KDM6A: variants seen among roughly 807,000 people sequenced by gnomAD.
The protein encoded by KDM6A is lysine demethylase 6A, also known as lysine-specific demethylase 6A.
A neutral mutation model predicts 117.6 loss-of-function variants in KDM6A; 11 were observed. That is an observed-to-expected ratio of 0.09 (90% CI 0.06 to 0.15). KDM6A has a LOEUF of 0.15. Ranked by LOEUF, KDM6A falls within the 10% of genes least tolerant of loss-of-function variation. The pLI is 1.00. For synonymous variants in KDM6A, 384 were observed against 396.1 expected (o/e 0.97, Z 0.36); for missense variants, 799 against 1,077.3 (o/e 0.74, Z 3.62).
chrX:44,932,317 G>C (rs2036682241), intron 2 of KDM6A, among the ~76,000 whole-genome samples: 1 of 107,862 alleles, frequency 9.3e-6, no homozygotes, highest in Non-Finnish European at 1.9e-5. Context: ...CACCATGTTG[G>C]CCAGGCCGGT....
At chrX:45,017,796 G>A (rs1039917270) in intron 5 of KDM6A, among the ~76,000 whole-genome samples, 4 of 111,680 alleles carry the variant, frequency 3.6e-5, no homozygotes, top group Non-Finnish European at 5.6e-5. Context: ...TGGAAAAACT[G>A]GAGACAGCAC....
chrX:45,068,757 TC>T (rs2044659754), intron 17 of KDM6A, among the ~76,000 whole-genome samples: 1 of 107,174 alleles, frequency 9.3e-6, no homozygotes, highest in Non-Finnish European at 1.9e-5. Context: ...CTTCCCTCTC[TC>T]CCCTCTCTCC....
At chrX:44,889,131 T>G (rs763197273) in intron 2 of KDM6A, among the ~76,000 whole-genome samples, 1 of 112,008 alleles carries the variant, frequency 8.9e-6, no homozygotes, top group Non-Finnish European at 1.9e-5. Flanking sequence ...TTCTCTCACT[T>G]CAGCCTCCCA....
intron 27 of KDM6A, among the ~76,000 whole-genome samples, chrX:45,101,539 G>C (rs969723009): frequency 9.1e-6 from 1 of 110,472 alleles, no homozygotes; most frequent in Non-Finnish European, 1.9e-5. Context: ...GATGCTACTA[G>C]CTTTTTTGAG....
At chrX:44,950,976 C>A (rs182137659) in intron 2 of KDM6A, among the ~76,000 whole-genome samples, 104 of 110,473 alleles carry the variant, frequency 9.4e-4, no homozygotes, top group African/African-American at 3.1e-3. Flanking sequence ...TTACAGATAC[C>A]TCTTCCCCTT....
At chrX:44,961,445 A>G (rs2147171730) in intron 3 of KDM6A, 53 bp downstream of exon 3, 1 of 817,370 alleles carries the variant, frequency 1.2e-6, no homozygotes. Context: ...TTGGATTGTA[A>G]TTATTTGTGC....
intron 5 of KDM6A, among the ~76,000 whole-genome samples, chrX:45,018,190 G>A (rs1167030621): frequency 9.0e-6 from 1 of 111,200 alleles, no homozygotes; most frequent in African/African-American, 3.3e-5. Context: ...ACAAGCCAGA[G>A]CAGAGCAAGG....
At position 45,082,617 on chromosome X, in the gene KDM6A, T is replaced by C; in HGVS notation, c.3342T>C (p.Asp1114=). The C allele has an allele frequency of 8.4e-7, 1 of 1,192,815 alleles. No individual in the cohort carries two copies. The change falls in exon 22 of 30, where the codon GAT becomes GAC. Residue 1114 remains aspartate, a synonymous_variant. Transcript: ENST00000611820. ...EKRSHHKDHS[D]SESTSSDNSG... is the part of the protein sequence containing the mutation. ...GAAGTCATCATAAAGACCACTCAGA[T>C]AGTGAATCTACATCGTCAGATAAGT... is the stretch of plus-strand genomic sequence containing the variant.
At chrX:44,964,013 G>A (rs6609340) in intron 3 of KDM6A, among the ~76,000 whole-genome samples, 19,201 of 109,492 alleles carry the variant, frequency 0.18, 1,645 homozygotes, top group Admixed American at 0.37. Context: ...GAGCCACTGC[G>A]CCCGGCCTTT....
rs750303397 is a variant in KDM6A at position 45,090,833 on chromosome X, G to T, written c.4003G>T (p.Val1335Phe). 5 of 1,207,892 alleles carry T rather than the reference G, an allele frequency of 4.1e-6. No individual in the cohort carries two copies. The African/African-American group carries it at 8.8e-5, about 21-fold the overall frequency. Residue 1335 changes from valine to phenylalanine, a missense_variant, in exon 27 of 30, where the codon GTC becomes TTC. Physicochemically the swap from Val to Phe is conservative, Grantham distance 50. Around this residue, in one of 8 missense-constraint regions of KDM6A, gnomAD observed 291 missense variants for 437.9 expected, o/e 0.66. Transcript: ENST00000611820. ...LSWNMARNIK[V>F]SDPKLFEMIK... Reference sequence around the variant, plus strand: ...CTGGAATATGGCACGAAATATCAAGGTCTCAGATCCAAAGCTTTTTGAAAT... The same window carrying T: ...CTGGAATATGGCACGAAATATCAAGTTCTCAGATCCAAAGCTTTTTGAAAT...
intron 10 of KDM6A, among the ~76,000 whole-genome samples, chrX:45,055,376 GA>G (rs1330543028): frequency 9.1e-6 from 1 of 110,218 alleles, no homozygotes; most frequent in Non-Finnish European, 1.9e-5. Flanking sequence ...GAAGGTTAAG[GA>G]AAAAAATTTT....
At chrX:45,004,875 GA>G (rs895475870) in intron 4 of KDM6A, among the ~76,000 whole-genome samples, 1 of 110,734 alleles carries the variant, frequency 9.0e-6, no homozygotes, top group Non-Finnish European at 1.9e-5. Flanking sequence ...GGATGCCCAA[GA>G]TGGACATTAA....
chrX:44,942,615 T>C (rs1314342075), intron 2 of KDM6A, among the ~76,000 whole-genome samples: 1 of 109,230 alleles, frequency 9.2e-6, no homozygotes, highest in Non-Finnish European at 1.9e-5. Context: ...TGCTTGCTGA[T>C]ACATACAAAA....
At chrX:45,057,346 T>G (rs1018014909) in intron 10 of KDM6A, among the ~76,000 whole-genome samples, 13 of 111,713 alleles carry the variant, frequency 1.2e-4, no homozygotes, top group African/African-American at 4.2e-4. Context: ...CATTTTCTTT[T>G]TATCAAGGTT....
intron 24 of KDM6A, among the ~76,000 whole-genome samples, chrX:45,085,325 G>T (rs762742193): frequency 2.5e-4 from 28 of 111,455 alleles, no homozygotes; most frequent in African/African-American, 8.8e-4. Flanking sequence ...TACCACTTTT[G>T]GACTTTATGG....
intron 27 of KDM6A, among the ~76,000 whole-genome samples, chrX:45,104,758 C>T (rs2046466089): frequency 9.0e-6 from 1 of 111,706 alleles, no homozygotes; most frequent in Admixed American, 9.5e-5. Context: ...TATTCATCAT[C>T]AGATAAGATT....
At chrX:45,040,775 AC>A (rs1212397310) in intron 8 of KDM6A, among the ~76,000 whole-genome samples, 4 of 48,673 alleles carry the variant, frequency 8.2e-5, no homozygotes, top group African/African-American at 3.5e-4. Flanking sequence ...CGGGGGGCTG[AC>A]CCCCCCAACC....
At chrX:44,912,486 A>G (rs771688435) in intron 2 of KDM6A, among the ~76,000 whole-genome samples, 1 of 112,217 alleles carries the variant, frequency 8.9e-6, no homozygotes, top group Non-Finnish European at 1.9e-5. Flanking sequence ...TACACAACAC[A>G]CGTATGTTTT....
chrX:45,082,611 C>G lies in KDM6A; in HGVS notation c.3336C>G (p.His1112Gln). ...AAAAAAGAAGTCATCATAAAGACCA[C>G]TCAGATAGTGAATCTACATCGTCAG... ...ENEKRSHHKD[H>Q]SDSESTSSDN... The change falls in exon 22 of 30, where the codon CAC becomes CAG. Residue 1112 changes from histidine to glutamine, a missense_variant. Physicochemically the swap from His to Gln is conservative, Grantham distance 24. Coordinates refer to ENST00000611820, the MANE Select transcript of KDM6A (RefSeq NM_001291415.2). 8.4e-7 allele frequency: 1 copy of G among 1,194,760 alleles called. No individual in the cohort carries two copies. Among genetic ancestry groups the G allele is most frequent in the Non-Finnish European group, 1.1e-6 (1 of 881,211 alleles).
Sources: gnomAD v4.1 joint callset for allele counts (sites outside exome capture counted in the v4.1 genomes callset) on GRCh38, gnomAD v4.1.1 for gene constraint, gnomAD v4.1.1 regional missense constraint, MANE v1.5 for transcripts, NCBI Gene and HGNC (gene_info 2026-07-23, HGNC 2026-07-21) for gene names.